The following NLRC3 variants were observed in gnomAD, a reference collection of about 807,000 sequenced individuals.
The protein encoded by NLRC3 is NLR family CARD domain-containing protein 3.
In NLRC3, 87 loss-of-function variants were observed where a neutral mutation model predicts 91.6. That is an observed-to-expected ratio of 0.95 (90% CI 0.80 to 1.14). The LOEUF is 1.14. Ranked by LOEUF, NLRC3 falls within the 50% of genes most tolerant of loss-of-function variation. NLRC3 has a pLI of 0.00. For synonymous variants in NLRC3, 694 were observed against 625.3 expected (o/e 1.11, Z -1.64); for missense variants, 1,577 against 1,418.6 (o/e 1.11, Z -1.79).
In NLRC3 at chr16:3,564,185, T is replaced by C. The variant is rs776588016; in HGVS notation, c.752A>G (p.Asn251Ser). The C allele has an allele frequency of 5.6e-6, 9 of 1,613,454 alleles. No individual in the cohort carries two copies. In the African/African-American group the frequency reaches 1.1e-4, roughly 19 times the overall value. ...CGGAAAGAGGTTGCCACGGATGATG[T>C]TGGTGATCAGGTGGTCCACCGGGAT... Reference protein sequence around the residue: ...KEIPVDHLITNIIRGNLFPEV... With the variant: ...KEIPVDHLITSIIRGNLFPEV... The change falls in exon 5 of 20, where the codon AAC (asparagine) becomes AGC (serine). Residue 251 changes from asparagine to serine, a missense_variant. Physicochemically the swap from Asn to Ser is conservative, Grantham distance 46 (BLOSUM62 1). Transcript: ENST00000359128. This position sits in a 1 kb window ranked among gnomAD's most constrained non-coding sequence, Gnocchi z 5.9.
intron 6 of NLRC3, among the ~76,000 whole-genome samples, chr16:3,559,667 C>T (rs2039515243): frequency 7.3e-6 from 1 of 136,168 alleles, no homozygotes. Flanking sequence ...GAGACGGGGT[C>T]TTGCTCTGTC....
Position 3,563,403 on chromosome 16 carries a change from C to T in NLRC3, c.1534G>A (p.Val512Met), listed in dbSNP as rs777102900. The change falls in exon 5 of 20, where the codon GTG (valine) becomes ATG (methionine). Residue 512 changes from valine to methionine, a missense_variant. Transcript: ENST00000359128. ...AGGCCGGAGAGGAAGCGCAGGAACA[C>T]GTCCAGCCTCCCGTCCTCTGCCTGC... ...AMQAEDGRLD[V>M]FLRFLSGLLS... 15 of 1,577,864 alleles carry T rather than the reference C, an allele frequency of 9.5e-6. No individual in the cohort carries two copies. The highest frequency in any genetic ancestry group is 6.9e-5 in the South Asian group (6 of 86,336).
Position 3,550,409 on chromosome 16 carries a change from C to T in NLRC3, c.2435+5G>A, listed in dbSNP as rs2038932309. 1 of 1,601,514 alleles carries T rather than the reference C, an allele frequency of 6.2e-7. No homozygotes were observed. The highest frequency in any genetic ancestry group is 8.6e-7 in the Non-Finnish European group (1 of 1,168,622). ...GGGAATCGTCACCCTGGCAGGTGGA[C>T]TCACTCCAGGCTCTCCAGGCCCTGG... On this transcript the variant is annotated splice_donor_5th_base_variant and intron_variant, in intron 11 of 19. Transcript: ENST00000359128.
intron 6 of NLRC3, among the ~76,000 whole-genome samples, chr16:3,557,980 C>T (rs1300104105): frequency 6.6e-6 from 1 of 152,182 alleles, no homozygotes; most frequent in Non-Finnish European, 1.5e-5. Flanking sequence ...ATGGAAATCT[C>T]GGAAGCCTAA....
In NLRC3 at chr16:3,563,484, A is replaced by G; in HGVS notation, c.1453T>C (p.Ser485Pro). ...GTGAGGAAGCCCAGCCTGGGCCAGG[A>G]TACGCCGCTCTCAGTGAAGAGGTCG... ...IFDLFTESGV[S>P]WPRLGFLTHF... is the part of the protein sequence containing the mutation. The change falls in exon 5 of 20, where the codon TCC becomes CCC. Residue 485 changes from serine (S) to proline (P), a missense_variant. Coordinates refer to ENST00000359128, the MANE Select transcript of NLRC3 (RefSeq NM_178844.4). 6.3e-7 allele frequency: 1 copy of G among 1,590,584 alleles called. No individual in the cohort carries two copies. Among genetic ancestry groups the G allele is most frequent in the Non-Finnish European group, 8.6e-7 (1 of 1,169,054 alleles).
chr16:3,539,955 A>G lies in NLRC3; in HGVS notation c.*1870T>C, dbSNP rs147966529. 6.6e-6 allele frequency: 1 copy of G among 152,258 alleles called. No individual in the cohort carries two copies. Among genetic ancestry groups the G allele is most frequent in the East Asian group, 1.9e-4 (1 of 5,188 alleles). 9.4% of individuals were successfully genotyped at this position (152,258 alleles called of 1,614,324 possible). On this transcript the variant is annotated 3_prime_UTR_variant, in exon 20 of 20. Coordinates refer to ENST00000359128, the MANE Select transcript of NLRC3 (RefSeq NM_178844.4). ...CATTTATTCTGCAGAATATCTGTCA[A>G]TTTGGATTTTTTCTAATTGTTCTTT... is the stretch of plus-strand genomic sequence containing the variant.
intron 5 of NLRC3, 65 bp from the exon 6 acceptor site, chr16:3,561,853 C>T: frequency 8.6e-7 from 1 of 1,164,694 alleles, no homozygotes. Context: ...GGGCCCTGGC[C>T]CGGGGCCTCT....
chr16:3,544,112 T>G (rs867169609), intron 16 of NLRC3, 134 bp downstream of exon 16: 4 of 613,446 alleles, frequency 6.5e-6, no homozygotes, highest in African/African-American at 3.7e-5. Context: ...TAGCTGAGAT[T>G]ATGTCACTGC....
rs1400851691 is a variant in NLRC3 at position 3,563,299 on chromosome 16, C to G, written c.1638G>C (p.Val546=). The part of the protein sequence containing the change: ...QGEHQAYRTQ[V]AELLQGCLRP... ...GCAGGCAGCCCTGCAGGAGCTCAGC[C>G]ACCTGGGTCCGGTAGGCCTGGTGCT... Residue 546 remains valine (V), a synonymous_variant, in exon 5 of 20, where the codon GTG becomes GTC. Transcript: ENST00000359128. 1 of 1,600,998 alleles carries G rather than the reference C, an allele frequency of 6.2e-7. No individual in the cohort carries two copies. Among genetic ancestry groups the G allele is most frequent in the East Asian group, 2.2e-5 (1 of 44,498 alleles).
chr16:3,544,028 G>T, intron 16 of NLRC3: 1 of 535,598 alleles, frequency 1.9e-6, no homozygotes, highest in Non-Finnish European at 3.3e-6. Context: ...GGTGGTGCAC[G>T]CCTGTTATCC....
intron 1 of NLRC3, among the ~76,000 whole-genome samples, chr16:3,570,674 G>C (rs544662950): frequency 2.0e-5 from 3 of 152,132 alleles, no homozygotes; most frequent in Non-Finnish European, 4.4e-5. Context: ...GGGTGAGAAA[G>C]AGTCATGCAG....
At chr16:3,550,792 C>A (rs1230809271) in intron 10 of NLRC3, among the ~76,000 whole-genome samples, 1 of 152,146 alleles carries the variant, frequency 6.6e-6, no homozygotes, top group Non-Finnish European at 1.5e-5. Flanking sequence ...GAAATGTTTT[C>A]TTCTGCCAGC....
In NLRC3 at chr16:3,544,331, T is replaced by C; in HGVS notation, c.2772-2A>G. The C allele has an allele frequency of 1.9e-6, 3 of 1,610,696 alleles. No homozygotes were observed. The highest frequency in any genetic ancestry group is 2.5e-6 in the Non-Finnish European group (3 of 1,177,142). ...TCCCCGATGGCGTTCTCCTGTAAACTAGACACAGAGTATGACCCCTTTGGG... is the reference window on the plus strand; with the variant it reads ...TCCCCGATGGCGTTCTCCTGTAAACCAGACACAGAGTATGACCCCTTTGGG... On this transcript the variant is annotated splice_acceptor_variant, in intron 15 of 19. Coordinates refer to ENST00000359128, the MANE Select transcript of NLRC3 (RefSeq NM_178844.4). LOFTEE classifies it high-confidence loss of function.
At position 3,539,256 on chromosome 16, in the gene NLRC3, C is replaced by G. The variant is rs975738807; in HGVS notation, c.*2569G>C. 1 of 152,194 alleles carries G rather than the reference C, an allele frequency of 6.6e-6. No individual in the cohort carries two copies. The highest frequency in any genetic ancestry group is 1.5e-5 in the Non-Finnish European group (1 of 68,042). 9.4% of individuals were successfully genotyped at this position (152,194 alleles called of 1,614,324 possible). A position where few individuals can be genotyped will look rare whatever the true frequency, so the allele number is the denominator to read the frequency against. Reference sequence around the variant, plus strand: ...ATAGCTGTTAGACCCAGGGGACTCTCAGGTGCCAGAATTGGGGACTCCTTT... The same window carrying G: ...ATAGCTGTTAGACCCAGGGGACTCTGAGGTGCCAGAATTGGGGACTCCTTT... On this transcript the variant is annotated 3_prime_UTR_variant, in exon 20 of 20. Transcript: ENST00000359128.
At chr16:3,550,969 C>G (rs1034888187) in intron 10 of NLRC3, among the ~76,000 whole-genome samples, 1 of 152,060 alleles carries the variant, frequency 6.6e-6, no homozygotes, top group Non-Finnish European at 1.5e-5. Flanking sequence ...ATCTACTTAC[C>G]CACCCACTCA....
chr16:3,551,284 C>G (rs1408389876), intron 10 of NLRC3, among the ~76,000 whole-genome samples: 1 of 150,890 alleles, frequency 6.6e-6, no homozygotes, highest in Non-Finnish European at 1.5e-5. Flanking sequence ...TACCATCCAT[C>G]TATCCACTCA....
At chr16:3,547,724 A>G (rs912177208) in intron 15 of NLRC3, among the ~76,000 whole-genome samples, 6 of 152,176 alleles carry the variant, frequency 3.9e-5, no homozygotes, top group Non-Finnish European at 5.9e-5. Context: ...GCTGGAGTGC[A>G]GTGACGCGAT....
At position 3,561,737 on chromosome 16, in the gene NLRC3, C is replaced by T; in HGVS notation, c.1980G>A (p.Val660=). ...QDPVMELLGS[V]LSGKDCRIQK... ...GAATGCGACAGTCCTTCCCACTCAG[C>T]ACGCTGCCCAGCAGCTCCATCACGG... Residue 660 remains valine (V), a synonymous_variant, in exon 6 of 20, where the codon GTG becomes GTA. Coordinates refer to ENST00000359128, the MANE Select transcript of NLRC3 (RefSeq NM_178844.4). 6.2e-7 allele frequency: 1 copy of T among 1,613,566 alleles called. No homozygotes were observed. Among genetic ancestry groups the T allele is most frequent in the East Asian group, 2.2e-5 (1 of 44,870 alleles).
In NLRC3 at chr16:3,577,145, T is replaced by C. The variant is rs756590203; in HGVS notation, c.-169+4A>G. 40 of 703,034 alleles carry C rather than the reference T, an allele frequency of 5.7e-5. No homozygotes were observed. Among genetic ancestry groups the C allele is most frequent in the Admixed American group, 5.0e-4 (25 of 50,006 alleles). 43.5% of individuals were successfully genotyped at this position (703,034 alleles called of 1,614,324 possible). On this transcript the variant is annotated splice_donor_region_variant and intron_variant, in intron 1 of 19. Transcript: ENST00000359128. ...TGCACTGAGGTCACCTGGACCCAAC[T>C]TACCTCCCGGGCCTCGATGCTGCTC...
Sources: gnomAD v4.1 joint callset for allele counts (sites outside exome capture counted in the v4.1 genomes callset) on GRCh38, gnomAD v4.1.1 for gene constraint, Gnocchi (gnomAD v3.1) non-coding constraint, MANE v1.5 for transcripts, NCBI Gene and HGNC (gene_info 2026-07-23, HGNC 2026-07-21) for gene names.